Variants in VOPP1 observed in about 807,000 individuals in gnomAD.
VOPP1 encodes the protein WW domain binding protein VOPP1.
A neutral mutation model predicts 23.5 loss-of-function variants in VOPP1; 8 were observed. That is an observed-to-expected ratio of 0.34 (90% CI 0.20 to 0.61). The LOEUF (loss-of-function observed/expected upper bound fraction) is 0.61, where lower values mean the gene tolerates loss of function less well. VOPP1 is among the 20% of genes least tolerant of loss of function. The pLI, the probability that VOPP1 is intolerant of heterozygous loss-of-function variation, is 0.78. For missense variants in VOPP1, 174 were observed against 238.1 expected (o/e 0.73, Z 1.77); for synonymous variants, 83 against 97.3 (o/e 0.85, Z 0.86).
In VOPP1 at chr7:55,572,218, C is replaced by T; in HGVS notation, c.54+53G>A. ...CGCCTCGGAACTGCGCGCCCCCAGC[C>T]GCCAGCATGGTGGGCGCCGCGCCTC... On this transcript the variant is annotated intron_variant, in intron 1 of 4. Coordinates refer to ENST00000285279, the MANE Select transcript of VOPP1 (RefSeq NM_030796.5). 3 of 1,461,416 alleles carry T rather than the reference C, an allele frequency of 2.1e-6. No individual in the cohort carries two copies. The South Asian group carries it at 3.8e-5, about 18-fold the overall frequency. The allele number at this position is 1,461,416 out of a possible 1,614,324, so 90.5% of individuals were successfully genotyped here. A position where few individuals can be genotyped will look rare whatever the true frequency, so the allele number is the denominator to read the frequency against.
intron 1 of VOPP1, among the ~76,000 whole-genome samples, chr7:55,546,659 T>C (rs1346078266): frequency 6.6e-6 from 1 of 152,234 alleles, no homozygotes; most frequent in African/African-American, 2.4e-5. Context: ...TCTAAACTTA[T>C]TCCAAAATTA....
chr7:55,456,342 T>G (rs1791366151), intron 4 of VOPP1, among the ~76,000 whole-genome samples: 1 of 152,230 alleles, frequency 6.6e-6, no homozygotes, highest in Non-Finnish European at 1.5e-5. Flanking sequence ...GCTTTTACAC[T>G]GTTGGTGGAA....
chr7:55,494,670 G>T (rs768094404), intron 3 of VOPP1, among the ~76,000 whole-genome samples: 2 of 152,154 alleles, frequency 1.3e-5, no homozygotes, highest in Admixed American at 1.3e-4. Context: ...GGTAGAGACG[G>T]AGTCTCACTA....
chr7:55,531,880 T>A (rs1247136087), intron 1 of VOPP1, among the ~76,000 whole-genome samples: 1 of 152,218 alleles, frequency 6.6e-6, no homozygotes, highest in Non-Finnish European at 1.5e-5. Flanking sequence ...TGGGCCTAAA[T>A]CTTGGCCAGC....
chr7:55,483,908 C>G (rs1022451613), intron 4 of VOPP1, among the ~76,000 whole-genome samples: 2 of 152,220 alleles, frequency 1.3e-5, no homozygotes, highest in Admixed American at 6.5e-5. Flanking sequence ...AGGCACATGC[C>G]ACCATGCCTG....
intron 2 of VOPP1, among the ~76,000 whole-genome samples, chr7:55,504,926 C>T (rs1307704101): frequency 1.3e-5 from 2 of 152,208 alleles, no homozygotes; most frequent in African/African-American, 4.8e-5. Flanking sequence ...TCAAAACTTC[C>T]AAGTTCTTCT....
At chr7:55,459,008 T>C (rs1791435151) in intron 4 of VOPP1, among the ~76,000 whole-genome samples, 2 of 152,182 alleles carry the variant, frequency 1.3e-5, no homozygotes, top group Non-Finnish European at 2.9e-5. Flanking sequence ...ATGTCAGCTG[T>C]GAATCTGTCA....
intron 4 of VOPP1, among the ~76,000 whole-genome samples, chr7:55,459,073 G>GTT (rs35220932): frequency 2.2e-4 from 33 of 151,334 alleles, no homozygotes; most frequent in South Asian, 4.2e-4. Flanking sequence ...TTTGTTGAGA[G>GTT]TTTTTTTTTA....
At chr7:55,442,212 A>AGAG (rs1464993505) in intron 4 of VOPP1, among the ~76,000 whole-genome samples, 2 of 152,202 alleles carry the variant, frequency 1.3e-5, no homozygotes, top group African/African-American at 4.8e-5. Context: ...TCACACAGCT[A>AGAG]GAGAGTTGCG....
In VOPP1 at chr7:55,550,210, C is replaced by T. The variant is rs117532590; in HGVS notation, c.54+22061G>A. On this transcript the variant is annotated intron_variant, in intron 1 of 4. Coordinates refer to ENST00000285279, the MANE Select transcript of VOPP1 (RefSeq NM_030796.5). Reference sequence around the variant, plus strand: ...ATAGCAATAAAGCCGCCATAAAAGCCGAAGGTGCGACACCAGCCCAACAGC... The same window carrying T: ...ATAGCAATAAAGCCGCCATAAAAGCTGAAGGTGCGACACCAGCCCAACAGC... Among the ~76,000 whole-genome samples, 1,195 of 152,296 alleles carry T rather than the reference C, an allele frequency of 7.8e-3. 10 individuals are homozygous for T. The highest frequency in any genetic ancestry group is 0.034 in the Middle Eastern group (10 of 294).
intron 1 of VOPP1, among the ~76,000 whole-genome samples, chr7:55,527,903 T>TA (rs1207552641): frequency 2.0e-5 from 3 of 150,822 alleles, no homozygotes; most frequent in Admixed American, 6.6e-5. Context: ...AAATTAGTAA[T>TA]AAAAAAATCC....
intron 1 of VOPP1, among the ~76,000 whole-genome samples, chr7:55,549,629 C>T (rs758133141): frequency 1.3e-5 from 2 of 152,218 alleles, no homozygotes; most frequent in Non-Finnish European, 2.9e-5. Flanking sequence ...TGCGACCAGC[C>T]GTGTACCTTG....
chr7:55,567,407 C>A (rs1385939264), intron 1 of VOPP1, among the ~76,000 whole-genome samples: 2 of 152,170 alleles, frequency 1.3e-5, no homozygotes, highest in African/African-American at 4.8e-5. Context: ...ATAGGGTGGT[C>A]AAGACAGACC....
At chr7:55,475,364 G>A (rs1415351701) in intron 4 of VOPP1, among the ~76,000 whole-genome samples, 1 of 152,196 alleles carries the variant, frequency 6.6e-6, no homozygotes, top group East Asian at 1.9e-4. Context: ...GGCCACCACA[G>A]GTTTGGCGGA....
chr7:55,440,066 C>T (rs937715411), intron 4 of VOPP1, among the ~76,000 whole-genome samples: 1 of 152,252 alleles, frequency 6.6e-6, no homozygotes, highest in South Asian at 2.1e-4. Flanking sequence ...CAGGGGCTCC[C>T]GTGGTCACCG....
intron 4 of VOPP1, among the ~76,000 whole-genome samples, chr7:55,440,376 C>T (rs1440617126): frequency 6.6e-6 from 1 of 152,226 alleles, no homozygotes; most frequent in Non-Finnish European, 1.5e-5. Flanking sequence ...CACAGTGGCA[C>T]TCTGACCTTC....
At chr7:55,495,052 C>A (rs1378807163) in intron 3 of VOPP1, among the ~76,000 whole-genome samples, 3 of 151,880 alleles carry the variant, frequency 2.0e-5, no homozygotes, top group Non-Finnish European at 4.4e-5. Flanking sequence ...CTCCCCCCGA[C>A]CCCCCAGCCC....
At chr7:55,476,066 G>A (rs2129009742) in intron 4 of VOPP1, among the ~76,000 whole-genome samples, 1 of 152,326 alleles carries the variant, frequency 6.6e-6, no homozygotes, top group African/African-American at 2.4e-5. Flanking sequence ...GGATGGGAGA[G>A]CCACAGGAGA....
At chr7:55,507,239 C>A (rs977935563) in intron 2 of VOPP1, among the ~76,000 whole-genome samples, 2 of 152,112 alleles carry the variant, frequency 1.3e-5, no homozygotes, top group Non-Finnish European at 2.9e-5. Flanking sequence ...TTAAAAACAC[C>A]CGTGCCTGCT....
Sources: gnomAD v4.1 joint callset for allele counts (sites outside exome capture counted in the v4.1 genomes callset) on GRCh38, gnomAD v4.1.1 for gene constraint, MANE v1.5 for transcripts, NCBI Gene and HGNC (gene_info 2026-07-23, HGNC 2026-07-21) for gene names.